MYO3B: variants seen among roughly 807,000 people sequenced by gnomAD.
The protein encoded by MYO3B is myosin IIIB, also known as myosin-IIIb.
A neutral mutation model predicts 174.6 loss-of-function variants in MYO3B; 156 were observed. That is an observed-to-expected ratio of 0.89 (90% CI 0.78 to 1.02). The LOEUF is 1.02. MYO3B is among the 50% of genes least tolerant of loss of function. MYO3B has a pLI of 0.00. For missense variants in MYO3B, 1,632 were observed against 1,639.4 expected, an observed-to-expected ratio of 1.00 and a Z score of 0.08; for synonymous variants, 563 against 569.1, an observed-to-expected ratio of 0.99 and a Z score of 0.15.
intron 7 of MYO3B, among the ~76,000 whole-genome samples, chr2:170,252,061 G>A (rs931438860): frequency 1.3e-5 from 2 of 152,144 alleles, no homozygotes; most frequent in African/African-American, 4.8e-5. Context: ...GCCTTGATCT[G>A]GCATAGTTCA....
intron 22 of MYO3B, among the ~76,000 whole-genome samples, chr2:170,428,780 T>C (rs2105878175): frequency 1.3e-5 from 2 of 152,342 alleles, no homozygotes; most frequent in South Asian, 4.1e-4. Flanking sequence ...ATGGACACCA[T>C]GACGGAATGC....
chr2:170,416,813 CTGT>C (rs1381060784), intron 22 of MYO3B, among the ~76,000 whole-genome samples: 2 of 89,402 alleles, frequency 2.2e-5, no homozygotes, highest in African/African-American at 3.7e-5. Context: ...ATCTTTTTTT[CTGT>C]TGTTTTTTTT....
chr2:170,286,670 T>C (rs1274541945), intron 7 of MYO3B, among the ~76,000 whole-genome samples: 1 of 152,158 alleles, frequency 6.6e-6, no homozygotes, highest in African/African-American at 2.4e-5. Context: ...GAGGTATTAG[T>C]CTTCCCATGT....
chr2:170,373,030 A>G (rs2094260420), intron 9 of MYO3B, among the ~76,000 whole-genome samples: 1 of 152,158 alleles, frequency 6.6e-6, no homozygotes, highest in South Asian at 2.1e-4. Flanking sequence ...CTTAGGTGCT[A>G]GGGAGCCATT....
chr2:170,324,521 G>C (rs564534125), intron 7 of MYO3B, among the ~76,000 whole-genome samples: 2 of 152,198 alleles, frequency 1.3e-5, no homozygotes. Flanking sequence ...GTCAGTTGAC[G>C]ATAGCTTGAA....
Position 170,416,818 on chromosome 2 carries a change from G to GT in MYO3B, c.2650+8997dup, listed in dbSNP as rs552594236. On this transcript the variant is annotated intron_variant, in intron 22 of 34. Coordinates refer to ENST00000408978, the MANE Select transcript of MYO3B (RefSeq NM_138995.5). ...CTTTCCCCAGATCTTTTTTTCTGTT[G>GT]TTTTTTTTTTTTTTTTTTTTTTTGA... Among the ~76,000 whole-genome samples, 115 of 116,090 alleles carry GT rather than the reference G, an allele frequency of 9.9e-4. 4 individuals are homozygous for GT. The highest frequency in any genetic ancestry group is 3.4e-3 in the African/African-American group (102 of 29,868). 76.2% of individuals were successfully genotyped at this position (116,090 alleles called of 152,430 possible). A position where few individuals can be genotyped will look rare whatever the true frequency, so the allele number is the denominator to read the frequency against.
intron 16 of MYO3B, among the ~76,000 whole-genome samples, chr2:170,397,521 T>C (rs1025735919): frequency 1.3e-5 from 2 of 152,232 alleles, no homozygotes; most frequent in African/African-American, 4.8e-5. Flanking sequence ...TTTAAATAAG[T>C]AAATACACCT....
chr2:170,566,953 G>C (rs1347022631), intron 32 of MYO3B, among the ~76,000 whole-genome samples: 1 of 152,134 alleles, frequency 6.6e-6, no homozygotes, highest in African/African-American at 2.4e-5. Context: ...CTGAGTCACA[G>C]ACTCAGACTT....
At chr2:170,541,091 T>G (rs1690077082) in intron 30 of MYO3B, among the ~76,000 whole-genome samples, 1 of 152,206 alleles carries the variant, frequency 6.6e-6, no homozygotes, top group East Asian at 1.9e-4. Flanking sequence ...ACAGATAAGC[T>G]GACTCCCTGT....
At chr2:170,234,031 C>T (rs1039644329) in intron 6 of MYO3B, among the ~76,000 whole-genome samples, 8 of 151,184 alleles carry the variant, frequency 5.3e-5, no homozygotes, top group South Asian at 2.1e-4. Context: ...ATTAGCCGGG[C>T]GTAGTGGCGG....
intron 25 of MYO3B, among the ~76,000 whole-genome samples, chr2:170,480,118 T>A (rs904385796): frequency 9.9e-5 from 15 of 151,916 alleles, no homozygotes; most frequent in African/African-American, 3.4e-4. Context: ...TCAGCATGGT[T>A]CCTGGCTCAT....
chr2:170,431,087 T>A (rs1356709033), intron 22 of MYO3B, among the ~76,000 whole-genome samples: 1 of 152,220 alleles, frequency 6.6e-6, no homozygotes, highest in East Asian at 1.9e-4. Context: ...ATGTGGCTTT[T>A]ATTTTATTGT....
At chr2:170,385,487 C>G (rs191635684) in intron 12 of MYO3B, among the ~76,000 whole-genome samples, 1 of 152,108 alleles carries the variant, frequency 6.6e-6, no homozygotes, top group African/African-American at 2.4e-5. Context: ...GAACCAGGGA[C>G]AAAGACCCAA....
At chr2:170,391,911 T>C (rs1349671065) in intron 15 of MYO3B, among the ~76,000 whole-genome samples, 1 of 151,984 alleles carries the variant, frequency 6.6e-6, no homozygotes, top group Non-Finnish European at 1.5e-5. Flanking sequence ...TCCCAGTGCT[T>C]TGGCAAGCTG....
At position 170,401,468 on chromosome 2, in the gene MYO3B, C is replaced by T. The variant is rs767313151; in HGVS notation, c.1919-13C>T. On this transcript the variant is annotated splice_polypyrimidine_tract_variant and intron_variant, in intron 17 of 34. Coordinates refer to ENST00000408978, the MANE Select transcript of MYO3B (RefSeq NM_138995.5). ...CTGGCTACATTCTGTGTTATCCTTA[C>T]TCTTTGTTTCAGCTGCCTCTGTTCT... The T allele has an allele frequency of 1.2e-6, 2 of 1,612,818 alleles. No homozygotes were observed. The highest frequency in any genetic ancestry group is 1.7e-6 in the Non-Finnish European group (2 of 1,178,900).
In MYO3B at chr2:170,373,825, C is replaced by T. The variant is rs1397365302; in HGVS notation, c.971+4448C>T. ...TGTGAGGAAATTCATGTTGAATGGC[C>T]TTTAAAAAAAAAAAAAAAACTTAGC... is the stretch of plus-strand genomic sequence containing the variant. On this transcript the variant is annotated intron_variant, in intron 9 of 34. Coordinates refer to ENST00000408978, the MANE Select transcript of MYO3B (RefSeq NM_138995.5). Among the ~76,000 whole-genome samples the T allele has an allele frequency of 2.8e-5, 3 of 105,524 alleles. No homozygotes were observed. In the Admixed American group the frequency reaches 2.9e-4, roughly 10 times the overall value. The allele number at this position is 105,524 out of a possible 152,430, so 69.2% of individuals were successfully genotyped here.
intron 1 of MYO3B, among the ~76,000 whole-genome samples, chr2:170,186,001 T>C (rs898477374): frequency 2.6e-5 from 4 of 152,224 alleles, no homozygotes; most frequent in African/African-American, 7.2e-5. Context: ...CCTGAAACTT[T>C]ACTGAATTTA....
chr2:170,486,521 G>T (rs894420945), intron 25 of MYO3B, among the ~76,000 whole-genome samples: 2 of 151,952 alleles, frequency 1.3e-5, no homozygotes, highest in Non-Finnish European at 2.9e-5. Context: ...GGCTGGTCTC[G>T]AACTCCTGAC....
At chr2:170,623,474 C>T (rs1013957084) in intron 32 of MYO3B, among the ~76,000 whole-genome samples, 1 of 152,104 alleles carries the variant, frequency 6.6e-6, no homozygotes, top group African/African-American at 2.4e-5. Context: ...TGGATTTTAG[C>T]CCTTTGTCAG....
Sources: allele counts gnomAD v4.1 joint callset (sites outside exome capture counted in the v4.1 genomes callset), GRCh38; gene constraint gnomAD v4.1.1; transcripts MANE v1.5; gene names NCBI Gene and HGNC (gene_info 2026-07-23, HGNC 2026-07-21).